CFAP251: variants seen among roughly 807,000 people sequenced by gnomAD.
CFAP251 encodes the protein cilia- and flagella-associated protein 251.
Under a neutral mutation model 126.7 loss-of-function variants are expected in CFAP251, and 93 were observed. That is an observed-to-expected ratio of 0.73 (90% CI 0.62 to 0.87). CFAP251 has a LOEUF of 0.87. Among genes scored for constraint, CFAP251 ranks in the 40% least tolerant of loss-of-function variants. The pLI is 0.00. For missense variants in CFAP251, 1,287 were observed against 1,389.2 expected (o/e 0.93, Z 1.17); for synonymous variants, 503 against 506.9 (o/e 0.99, Z 0.10).
rs756770024 is a variant in CFAP251 at position 121,921,346 on chromosome 12, A to G, written c.41A>G (p.Glu14Gly). ...GAAGCTCCCCGAGAAGCAACAGGAG[A>G]AAATGGAGAAACAGAAATGAAAGAA... is the stretch of plus-strand genomic sequence containing the variant. The part of the protein sequence containing the change: ...AAEAPREATG[E>G]NGETEMKEEE... The change falls in exon 2 of 22, where the codon GAA becomes GGA. Residue 14 changes from glutamate (E) to glycine (G), a missense_variant. Glu to Gly is a moderately conservative substitution (Grantham distance 98). Coordinates refer to ENST00000288912, the MANE Select transcript of CFAP251 (RefSeq NM_144668.6). The G allele has an allele frequency of 1.9e-6, 3 of 1,606,484 alleles. No homozygotes were observed. The Admixed American group carries it at 5.2e-5, about 28-fold the overall frequency.
intron 21 of CFAP251, chr12:122,002,059 C>T (rs1349189522): frequency 2.4e-5 from 4 of 166,650 alleles, no homozygotes; most frequent in Non-Finnish European, 5.1e-5. Context: ...CCCATCTCTA[C>T]AAAAAAAAAA....
At chr12:121,955,512 A>G (rs1881697441) in intron 10 of CFAP251, among the ~76,000 whole-genome samples, 1 of 152,112 alleles carries the variant, frequency 6.6e-6, no homozygotes, top group Admixed American at 6.6e-5. Context: ...TTCACGAGAT[A>G]TGGATGCACA....
intron 17 of CFAP251, among the ~76,000 whole-genome samples, chr12:121,972,287 T>C (rs1250467667): frequency 6.6e-6 from 1 of 152,216 alleles, no homozygotes; most frequent in African/African-American, 2.4e-5. Flanking sequence ...GTTGAATGGC[T>C]TTAGCCAAAA....
intron 19 of CFAP251, among the ~76,000 whole-genome samples, chr12:121,979,563 CT>C (rs71082922): frequency 2.2e-4 from 19 of 84,998 alleles, no homozygotes; most frequent in South Asian, 5.0e-4. Context: ...CTTTCTTCTT[CT>C]TTTTTTTTTT....
rs748194007 is a variant in CFAP251, at chr12:121,968,093, G to C, written c.2695G>C (p.Val899Leu). ...CHPNGVAGMA[V>L]SYDGCYAFTA... is the part of the protein sequence containing the mutation. ...CCCGAACGGGGTGGCCGGCATGGCC[G>C]TTTCCTATGATGGCTGCTACGCCTT... Residue 899 changes from valine (V) to leucine (L), a missense_variant, in exon 17 of 22, where the codon GTT becomes CTT. Physicochemically the swap from Val to Leu is conservative, Grantham distance 32 (BLOSUM62 1). Coordinates refer to ENST00000288912, the MANE Select transcript of CFAP251 (RefSeq NM_144668.6). The C allele has an allele frequency of 6.2e-7, 1 of 1,613,764 alleles. No individual in the cohort carries two copies. Among genetic ancestry groups the C allele is most frequent in the Non-Finnish European group, 8.5e-7 (1 of 1,179,708 alleles).
At chr12:121,941,819 T>C (rs979151547) in intron 5 of CFAP251, among the ~76,000 whole-genome samples, 2 of 152,202 alleles carry the variant, frequency 1.3e-5, no homozygotes, top group Admixed American at 6.5e-5. Flanking sequence ...GTGGAGTTAC[T>C]GGGCTGTAGG....
At chr12:121,970,042 A>G (rs1188553000) in intron 17 of CFAP251, 5 of 824,804 alleles carry the variant, frequency 6.1e-6, no homozygotes, top group African/African-American at 3.7e-5. Context: ...ACAAGTAAAC[A>G]AACAGAATTT....
intron 19 of CFAP251, among the ~76,000 whole-genome samples, chr12:121,977,064 C>T (rs576059825): frequency 2.6e-5 from 4 of 152,202 alleles, no homozygotes; most frequent in South Asian, 2.1e-4. Flanking sequence ...TAAGCAACAT[C>T]GTTATTGTGT....
intron 16 of CFAP251, 132 bp from the exon 17 acceptor site, chr12:121,967,874 T>C: frequency 2.4e-6 from 2 of 829,274 alleles, no homozygotes; most frequent in South Asian, 3.6e-5. Context: ...AATGTGGCTC[T>C]CACACTCAGA....
rs1482076518 is a variant in CFAP251, at chr12:121,942,584, T to G, written c.1049T>G (p.Met350Arg). ...AGCTGCCCTGAAGGGAATGGCATCATGGCCATGGCCATGACCCACGACGCC... is the reference window on the plus strand; with the variant it reads ...AGCTGCCCTGAAGGGAATGGCATCAGGGCCATGGCCATGACCCACGACGCC... The part of the protein sequence containing the change: ...FDSCPEGNGI[M>R]AMAMTHDAKY... The change falls in exon 6 of 22, where the codon ATG becomes AGG. Residue 350 changes from methionine to arginine, a missense_variant. Coordinates refer to ENST00000288912, the MANE Select transcript of CFAP251 (RefSeq NM_144668.6). 1.2e-6 allele frequency: 2 copies of G among 1,613,770 alleles called. No individual in the cohort carries two copies. The highest frequency in any genetic ancestry group is 2.7e-5 in the African/African-American group (2 of 74,934).
intron 18 of CFAP251, 38 bp downstream of exon 18, chr12:121,975,372 T>C (rs1359757677): frequency 6.3e-7 from 1 of 1,597,690 alleles, no homozygotes; most frequent in African/African-American, 1.3e-5. Context: ...TGGTAACATC[T>C]AGTTAAGTTT....
chr12:121,928,704 A>ATTT lies in CFAP251; in HGVS notation c.748-3034_748-3032dup, dbSNP rs60425515. 2.0e-4 allele frequency among the ~76,000 whole-genome samples: 12 copies of ATTT among 60,330 alleles called. 1 individual carries two copies. The highest frequency in any genetic ancestry group is 4.5e-4 in the African/African-American group (11 of 24,686). 39.6% of individuals were successfully genotyped at this position (60,330 alleles called of 152,430 possible). On this transcript the variant is annotated intron_variant, in intron 3 of 21. Coordinates refer to ENST00000288912, the MANE Select transcript of CFAP251 (RefSeq NM_144668.6). ...TATATATATACGTATATATATATAT[A>ATTT]TTTTTTTTTTGAGACAGGGTCTTGC...
intron 7 of CFAP251, among the ~76,000 whole-genome samples, chr12:121,945,454 C>T (rs1881284524): frequency 6.6e-6 from 1 of 151,794 alleles, no homozygotes. Flanking sequence ...AGCGATTCTC[C>T]TGCCTCAACC....
chr12:121,957,828 G>A (rs573502547), intron 11 of CFAP251, among the ~76,000 whole-genome samples: 2 of 152,230 alleles, frequency 1.3e-5, no homozygotes, highest in African/African-American at 4.8e-5. Context: ...TTTTGCTGCA[G>A]GTTGGTCTCT....
At chr12:121,926,055 C>T (rs1213234766) in intron 3 of CFAP251, among the ~76,000 whole-genome samples, 1 of 123,004 alleles carries the variant, frequency 8.1e-6, no homozygotes, top group Non-Finnish European at 1.6e-5. Flanking sequence ...TTAGTAGAGA[C>T]GGAGTTTCAC....
intron 9 of CFAP251, among the ~76,000 whole-genome samples, chr12:121,952,330 G>A (rs546496442): frequency 6.6e-6 from 1 of 150,918 alleles, no homozygotes; most frequent in Non-Finnish European, 1.5e-5. Flanking sequence ...TGAGGTGGGA[G>A]GATCACTTGA....
intron 5 of CFAP251, among the ~76,000 whole-genome samples, chr12:121,936,982 C>G (rs1154514): frequency 6.6e-6 from 1 of 152,000 alleles, no homozygotes; most frequent in East Asian, 1.9e-4. Context: ...CTTCCATGCC[C>G]GGTCAGCCGT....
At chr12:122,001,776 T>TTTGTG in intron 21 of CFAP251, 178 bp downstream of exon 21, 5 of 629,020 alleles carry the variant, frequency 7.9e-6, no homozygotes, top group Non-Finnish European at 1.4e-5. Context: ...AGTGGTGGCT[T>TTTGTG]TTGTTCCCGC....
At position 121,960,688 on chromosome 12, in the gene CFAP251, G is replaced by A. The variant is rs1193058386; in HGVS notation, c.2237G>A (p.Ser746Asn). ...RLRSHRKSIRSLLFGVYLDSN... is the reference protein window; with the variant it reads ...RLRSHRKSIRNLLFGVYLDSN... ...CGCTCTCATCGCAAAAGCATTCGAA[G>A]TCTCCTGTTTGGGGTTTACCTGGAC... Residue 746 changes from serine to asparagine, a missense_variant, in exon 14 of 22, where the codon AGT becomes AAT. By Grantham distance (46) the Ser-to-Asn change is conservative (BLOSUM62 1). Coordinates refer to ENST00000288912, the MANE Select transcript of CFAP251 (RefSeq NM_144668.6). 6.2e-7 allele frequency: 1 copy of A among 1,614,076 alleles called. No homozygotes were observed. The highest frequency in any genetic ancestry group is 2.2e-5 in the East Asian group (1 of 44,888).
Sources: allele counts gnomAD v4.1 joint callset (sites outside exome capture counted in the v4.1 genomes callset), GRCh38; gene constraint gnomAD v4.1.1; transcripts MANE v1.5; gene names NCBI Gene and HGNC (gene_info 2026-07-23, HGNC 2026-07-21).